Variants in WDFY4 observed in about 807,000 individuals in gnomAD.
WDFY4 encodes the protein WDFY family member 4.
A neutral mutation model predicts 351.9 loss-of-function variants in WDFY4; 169 were observed. The ratio of observed to expected loss-of-function variants is 0.48; its 90% confidence interval spans 0.42 to 0.55. The LOEUF is 0.55. Ranked by LOEUF, WDFY4 falls within the 20% of genes least tolerant of loss-of-function variation. WDFY4 has a pLI of 0.00. For synonymous variants in WDFY4, 1,622 were observed against 1,574.6 expected, an observed-to-expected ratio of 1.03 and a Z score of -0.71; for missense variants, 3,803 against 3,935.6, an observed-to-expected ratio of 0.97 and a Z score of 0.90.
chr10:48,722,698 GCA>G (rs567236309), intron 4 of WDFY4, among the ~76,000 whole-genome samples: 13 of 152,050 alleles, frequency 8.5e-5, no homozygotes, highest in Admixed American at 2.6e-4. Flanking sequence ...CATGCATCAT[GCA>G]CACACACACA....
At chr10:48,827,659 G>T (rs114722877) in intron 36 of WDFY4, among the ~76,000 whole-genome samples, 3,584 of 151,000 alleles carry the variant, frequency 0.024, 147 homozygotes, top group African/African-American at 0.08. Flanking sequence ...ACACTTTGCT[G>T]TTGTCCTTTT....
intron 1 of WDFY4, among the ~76,000 whole-genome samples, chr10:48,685,820 A>G (rs958501212): frequency 6.6e-6 from 1 of 150,572 alleles, no homozygotes; most frequent in South Asian, 2.1e-4. Context: ...TATTTAACAA[A>G]TAGGTATTGA....
intron 45 of WDFY4, 79 bp downstream of exon 45, chr10:48,897,653 A>G: frequency 1.3e-6 from 2 of 1,507,180 alleles, no homozygotes; most frequent in Middle Eastern, 1.7e-4. Flanking sequence ...AGCCATCCAG[A>G]GACACACCTC....
chr10:48,967,200 T>C (rs1842124080), intron 55 of WDFY4: 1 of 152,776 alleles, frequency 6.5e-6, no homozygotes, highest in African/African-American at 2.4e-5. Flanking sequence ...ATTCCAGTCC[T>C]ACTGCTTCCT....
chr10:48,942,125 A>G (rs774142442), intron 48 of WDFY4, among the ~76,000 whole-genome samples: 30 of 152,062 alleles, frequency 2.0e-4, no homozygotes, highest in Non-Finnish European at 3.5e-4. Flanking sequence ...CCACTAGGCC[A>G]AGCGAATTTT....
chr10:48,807,570 A>G (rs148890515), intron 27 of WDFY4, among the ~76,000 whole-genome samples: 1,746 of 152,350 alleles, frequency 0.011, 18 homozygotes, highest in Non-Finnish European at 0.018. Flanking sequence ...AATAATTTAA[A>G]AAATTCTTCT....
At chr10:48,772,315 C>T (rs914246468) in intron 13 of WDFY4, among the ~76,000 whole-genome samples, 1 of 152,048 alleles carries the variant, frequency 6.6e-6, no homozygotes, top group Non-Finnish European at 1.5e-5. Flanking sequence ...TGGCTCCAGC[C>T]TGGAGTATGT....
intron 47 of WDFY4, among the ~76,000 whole-genome samples, chr10:48,929,357 G>T (rs1394791061): frequency 3.3e-5 from 5 of 152,310 alleles, no homozygotes; most frequent in Non-Finnish European, 5.9e-5. Flanking sequence ...GCACTGGGCT[G>T]GTCTCAATAG....
intron 51 of WDFY4, among the ~76,000 whole-genome samples, chr10:48,954,197 A>G (rs1214148164): frequency 6.6e-6 from 1 of 152,210 alleles, no homozygotes; most frequent in Non-Finnish European, 1.5e-5. Context: ...ACATCTTTAC[A>G]TGTGAGTGAT....
intron 39 of WDFY4, among the ~76,000 whole-genome samples, chr10:48,863,667 G>T (rs1299928751): frequency 1.3e-5 from 2 of 151,280 alleles, no homozygotes; most frequent in African/African-American, 2.4e-5. Flanking sequence ...TTCTAATAGT[G>T]TCTTTCGAAG....
Position 48,775,749 on chromosome 10 carries a change from G to A in WDFY4, c.2806G>A (p.Ala936Thr), listed in dbSNP as rs1451885642. The change falls in exon 15 of 62, where the codon GCC becomes ACC. Residue 936 changes from alanine to threonine, a missense_variant. Ala to Thr is a moderately conservative substitution (Grantham distance 58). Transcript: ENST00000325239. Reference sequence around the variant, plus strand: ...TCTTGGAATTCCCTCATCTCTGTCGGCCACAACAAAAATCCTTGATTCATC... The same window carrying A: ...TCTTGGAATTCCCTCATCTCTGTCGACCACAACAAAAATCCTTGATTCATC... ...LGLGIPSSLS[A>T]TTKILDSSHT... The A allele has an allele frequency of 6.4e-7, 1 of 1,551,682 alleles. No homozygotes were observed. The highest frequency in any genetic ancestry group is 8.7e-7 in the Non-Finnish European group (1 of 1,146,986).
At chr10:48,796,615 A>T (rs998771794) in intron 24 of WDFY4, among the ~76,000 whole-genome samples, 165 bp downstream of exon 24, 2 of 152,188 alleles carry the variant, frequency 1.3e-5, no homozygotes, top group Admixed American at 1.3e-4. Flanking sequence ...TTGTAATGAC[A>T]TGTGCCACCT....
chr10:48,864,404 T>C (rs1435327971), intron 39 of WDFY4, among the ~76,000 whole-genome samples: 1 of 152,254 alleles, frequency 6.6e-6, no homozygotes, highest in East Asian at 1.9e-4. Flanking sequence ...CAAATTGTTT[T>C]ATTTTTGGAC....
intron 43 of WDFY4, among the ~76,000 whole-genome samples, chr10:48,883,149 T>C (rs1266150774): frequency 2.6e-5 from 4 of 152,208 alleles, no homozygotes; most frequent in African/African-American, 9.7e-5. Flanking sequence ...TTAAAGCTGG[T>C]GCAAGGAGGC....
chr10:48,729,926 C>CATTG (rs1323183055), intron 8 of WDFY4, among the ~76,000 whole-genome samples: 6 of 152,210 alleles, frequency 3.9e-5, no homozygotes, highest in Non-Finnish European at 5.9e-5. Context: ...TACTTTGAGA[C>CATTG]ATTGATTGAT....
chr10:48,902,842 G>A (rs1265423459), intron 47 of WDFY4, among the ~76,000 whole-genome samples: 3 of 152,124 alleles, frequency 2.0e-5, no homozygotes, highest in Admixed American at 6.5e-5. Context: ...GGGCGTGGTG[G>A]CTCACTCCTG....
chr10:48,870,425 G>A (rs1041036146), intron 40 of WDFY4, among the ~76,000 whole-genome samples: 4 of 152,096 alleles, frequency 2.6e-5, no homozygotes, highest in African/African-American at 9.7e-5. Flanking sequence ...TTAGTTCTAG[G>A]TACTCAGGAT....
Position 48,817,310 on chromosome 10 carries a change from C to A in WDFY4, c.5406C>A (p.Leu1802=). ...TCCCGGCCAGCGTGCTGCAGTTCCT[C>A]AGCCTCGTCCACCGCACCTACCCCC... ...QTFPASVLQF[L]SLVHRTYPQD... The change falls in exon 32 of 62, where the codon CTC becomes CTA. Residue 1802 remains leucine, a synonymous_variant. Transcript: ENST00000325239. 1 of 1,551,764 alleles carries A rather than the reference C, an allele frequency of 6.4e-7. No individual in the cohort carries two copies. The highest frequency in any genetic ancestry group is 8.7e-7 in the Non-Finnish European group (1 of 1,147,018).
At chr10:48,692,377 T>C (rs1454647805) in intron 1 of WDFY4, among the ~76,000 whole-genome samples, 1 of 152,210 alleles carries the variant, frequency 6.6e-6, no homozygotes, top group African/African-American at 2.4e-5. Flanking sequence ...CCTCTGCCAG[T>C]GGGCGGGATC....
Sources: allele counts gnomAD v4.1 joint callset (sites outside exome capture counted in the v4.1 genomes callset), GRCh38; gene constraint gnomAD v4.1.1; transcripts MANE v1.5; gene names NCBI Gene and HGNC (gene_info 2026-07-23, HGNC 2026-07-21).